ROR1: variants seen among roughly 807,000 people sequenced by gnomAD.
ROR1 encodes ROR family WNT receptor 1.
ROR1 carries 19 observed loss-of-function variants against 78.8 expected under a neutral mutation model. The ratio of observed to expected loss-of-function variants is 0.24; its 90% CI spans 0.17 to 0.35. The LOEUF (loss-of-function observed/expected upper bound fraction) is 0.35, where lower values mean the gene tolerates loss of function less well. Among genes scored for constraint, ROR1 ranks in the 10% least tolerant of loss-of-function variants. The pLI is 1.00. For missense variants in ROR1, 917 were observed against 1,177.8 expected (o/e 0.78, Z 3.24); for synonymous variants, 386 against 433.6 (o/e 0.89, Z 1.36).
chr1:64,091,256 A>G (rs1050088307), intron 4 of ROR1, among the ~76,000 whole-genome samples: 1 of 152,158 alleles, frequency 6.6e-6, no homozygotes. Flanking sequence ...ATCATGGGAT[A>G]AGTGTGGGAA....
chr1:63,792,750 G>A (rs1335696426), intron 1 of ROR1, among the ~76,000 whole-genome samples: 1 of 150,394 alleles, frequency 6.6e-6, no homozygotes, highest in African/African-American at 2.4e-5. Context: ...CAAAGAGAGA[G>A]AATGAGAGAA....
At chr1:63,974,484 G>T (rs75236911) in intron 1 of ROR1, among the ~76,000 whole-genome samples, 1 of 151,962 alleles carries the variant, frequency 6.6e-6, no homozygotes, top group Non-Finnish European at 1.5e-5. Flanking sequence ...CCCCTGTCAC[G>T]CAGGCTGGAG....
chr1:63,911,467 G>C (rs1645569275), intron 1 of ROR1, among the ~76,000 whole-genome samples: 1 of 152,118 alleles, frequency 6.6e-6, no homozygotes, highest in South Asian at 2.1e-4. Flanking sequence ...GATTCTCATA[G>C]AAGTGCAAAC....
At chr1:63,890,567 G>A (rs1189192164) in intron 1 of ROR1, among the ~76,000 whole-genome samples, 1 of 151,944 alleles carries the variant, frequency 6.6e-6, no homozygotes, top group Non-Finnish European at 1.5e-5. Flanking sequence ...GAGTCATGCA[G>A]GAAAGAGTAA....
chr1:64,109,805 G>A (rs965064524), intron 4 of ROR1, among the ~76,000 whole-genome samples: 7 of 152,132 alleles, frequency 4.6e-5, no homozygotes, highest in African/African-American at 1.7e-4. Flanking sequence ...TGGGATTATA[G>A]GTGTGAGTTA....
At chr1:63,987,650 A>G (rs1243825008) in intron 1 of ROR1, among the ~76,000 whole-genome samples, 1 of 152,240 alleles carries the variant, frequency 6.6e-6, no homozygotes, top group African/African-American at 2.4e-5. Flanking sequence ...TATTGTTCTC[A>G]GAAGTTTTAA....
chr1:64,066,860 C>T (rs1360290437), intron 4 of ROR1: 3 of 151,996 alleles, frequency 2.0e-5, no homozygotes, highest in East Asian at 1.9e-4. Context: ...TTATTACCCG[C>T]TTTATTCAGA....
At chr1:63,999,584 C>T (rs1646366605) in intron 1 of ROR1, among the ~76,000 whole-genome samples, 1 of 152,048 alleles carries the variant, frequency 6.6e-6, no homozygotes, top group African/African-American at 2.4e-5. Flanking sequence ...AGAAAATGAG[C>T]TCCATGAAGT....
intron 1 of ROR1, among the ~76,000 whole-genome samples, chr1:63,848,006 T>C (rs930351560): frequency 1.3e-5 from 2 of 152,228 alleles, no homozygotes; most frequent in Non-Finnish European, 2.9e-5. Context: ...TCCCTTTTTG[T>C]TTCCTAAGTG....
chr1:63,812,700 G>T (rs1239655767), intron 1 of ROR1, among the ~76,000 whole-genome samples: 1 of 152,150 alleles, frequency 6.6e-6, no homozygotes, highest in East Asian at 1.9e-4. Flanking sequence ...ATATAACTTT[G>T]GGTGTTTAAA....
chr1:63,957,402 T>C (rs1645992232), intron 1 of ROR1, among the ~76,000 whole-genome samples: 1 of 152,200 alleles, frequency 6.6e-6, no homozygotes, highest in Non-Finnish European at 1.5e-5. Flanking sequence ...CTTTCTGGAA[T>C]TTCATTCCCA....
At chr1:63,809,736 GAT>G (rs1397242193) in intron 1 of ROR1, among the ~76,000 whole-genome samples, 2 of 152,172 alleles carry the variant, frequency 1.3e-5, no homozygotes, top group Non-Finnish European at 2.9e-5. Flanking sequence ...AGGGGCATGG[GAT>G]CCTGAAAATA....
chr1:63,844,952 A>G (rs1199757876), intron 1 of ROR1, among the ~76,000 whole-genome samples: 1 of 152,110 alleles, frequency 6.6e-6, no homozygotes, highest in Non-Finnish European at 1.5e-5. Flanking sequence ...GCAGAAAGTG[A>G]CTTTATCCTG....
rs1168546581 is a variant in ROR1, at chr1:63,892,728, G to A, written c.92-116577G>A. Among the ~76,000 whole-genome samples, 6 of 152,118 alleles carry A rather than the reference G, an allele frequency of 3.9e-5. No individual in the cohort carries two copies. The East Asian group carries it at 7.7e-4, about 20-fold the overall frequency. On this transcript the variant is annotated intron_variant, in intron 1 of 8. Transcript: ENST00000371079. ...CACCACTAATGAGCCCTGTAAACTCGGACAAGTTGCCAACCTTCTCTAAAC... is the reference window on the plus strand; with the variant it reads ...CACCACTAATGAGCCCTGTAAACTCAGACAAGTTGCCAACCTTCTCTAAAC...
chr1:63,947,815 A>G (rs185447952), intron 1 of ROR1, among the ~76,000 whole-genome samples: 6 of 152,286 alleles, frequency 3.9e-5, no homozygotes, highest in African/African-American at 1.4e-4. Context: ...CCTGATACCA[A>G]TGAAGCCTAT....
chr1:64,127,873 G>A, intron 4 of ROR1, among the ~76,000 whole-genome samples: 1 of 152,190 alleles, frequency 6.6e-6, no homozygotes, highest in East Asian at 1.9e-4. Flanking sequence ...ACTTACTGTG[G>A]ACCCAAGAAC....
rs139936236 is a variant in ROR1 at position 64,085,119 on chromosome 1, T to C, written c.482+34403T>C. On this transcript the variant is annotated intron_variant, in intron 4 of 8. Coordinates refer to ENST00000371079, the MANE Select transcript of ROR1 (RefSeq NM_005012.4). The stretch of plus-strand genomic sequence containing the variant: ...TGAAGTTTTACAAACCTCATAAAAA[T>C]TAAGGGTTGGTTTGAATTTGGGAGA... Among the ~76,000 whole-genome samples, 341 of 152,328 alleles carry C rather than the reference T, an allele frequency of 2.2e-3. 2 individuals are homozygous for C. Among genetic ancestry groups the C allele is most frequent in the Admixed American group, 0.015 (231 of 15,298 alleles).
chr1:63,897,857 G>C (rs1462666378), intron 1 of ROR1, among the ~76,000 whole-genome samples: 2 of 152,214 alleles, frequency 1.3e-5, no homozygotes, highest in Non-Finnish European at 2.9e-5. Context: ...AGCCCAACTT[G>C]AAGTAGATTG....
intron 2 of ROR1, among the ~76,000 whole-genome samples, chr1:64,016,555 C>T (rs1199117956): frequency 6.6e-6 from 1 of 152,028 alleles, no homozygotes; most frequent in Non-Finnish European, 1.5e-5. Context: ...GAAACAATTG[C>T]TGGAACCTTA....
Sources: allele counts gnomAD v4.1 joint callset (sites outside exome capture counted in the v4.1 genomes callset), GRCh38; gene constraint gnomAD v4.1.1; transcripts MANE v1.5; gene names NCBI Gene and HGNC (gene_info 2026-07-23, HGNC 2026-07-21).